Variants in ARHGEF10 observed in about 807,000 individuals in gnomAD.
ARHGEF10 encodes Rho guanine nucleotide exchange factor (GEF) 10.
In ARHGEF10, 140 loss-of-function variants were observed where a neutral mutation model predicts 147.4. The ratio of observed to expected loss-of-function variants is 0.95; its 90% CI spans 0.83 to 1.09. The LOEUF (loss-of-function observed/expected upper bound fraction) is 1.09, where lower values mean the gene tolerates loss of function less well. Among genes scored for constraint, ARHGEF10 ranks in the 50% least tolerant of loss-of-function variants. The pLI is 0.00. For synonymous variants in ARHGEF10, 902 were observed against 695.8 expected, an observed-to-expected ratio of 1.30 and a Z score of -4.67; for missense variants, 2,222 against 1,752.7, an observed-to-expected ratio of 1.27 and a Z score of -4.78.
At chr8:1,877,612 G>T (rs891562136) in intron 8 of ARHGEF10, among the ~76,000 whole-genome samples, 1 of 151,424 alleles carries the variant, frequency 6.6e-6, no homozygotes, top group East Asian at 2.0e-4. Context: ...GGATGTCAGA[G>T]CTGTAAGGCG....
rs1238321920 is a variant in ARHGEF10 at position 1,858,091 on chromosome 8, G to T, written c.169G>T (p.Ala57Ser). 1.2e-6 allele frequency: 2 copies of T among 1,613,992 alleles called. No individual in the cohort carries two copies. The highest frequency in any genetic ancestry group is 4.5e-5 in the East Asian group (2 of 44,894). The change falls in exon 3 of 29, where the codon GCC becomes TCC. Residue 57 changes from alanine to serine, a missense_variant. Ala to Ser is a moderately conservative substitution (Grantham distance 99, BLOSUM62 1). Transcript: ENST00000349830. ...CGCCCCTGAGACAGGAGGTGCTGGA[G>T]CCAGTGAAGCCCCTGCACCCACAGG... ...PSAPETGGAG[A>S]SEAPAPTGGE...
intron 25 of ARHGEF10, among the ~76,000 whole-genome samples, chr8:1,930,651 G>C (rs1244593659): frequency 6.6e-6 from 1 of 152,130 alleles, no homozygotes; most frequent in African/African-American, 2.4e-5. Flanking sequence ...TCCCTCCTTA[G>C]AAATCTGCGC....
In ARHGEF10 at chr8:1,859,945, C is replaced by G. The variant is rs1432314328; in HGVS notation, c.242C>G (p.Thr81Ser). Residue 81 changes from threonine (T) to serine (S), a missense_variant, in exon 4 of 29, where the codon ACT becomes AGT. Transcript: ENST00000349830. ...GAETTPVAEP[T>S]KLVLPMKVNP... is the part of the protein sequence containing the mutation. ...GAAACCACCCCAGTGGCAGAGCCTA[C>G]TAAGCTGGTGCTCCCGATGAAAGTC... 1 of 1,614,202 alleles carries G rather than the reference C, an allele frequency of 6.2e-7. No homozygotes were observed. The highest frequency in any genetic ancestry group is 1.7e-5 in the Admixed American group (1 of 60,036).
chr8:1,883,164 G>C (rs1304855552), intron 10 of ARHGEF10, among the ~76,000 whole-genome samples: 3 of 152,148 alleles, frequency 2.0e-5, no homozygotes, highest in East Asian at 1.9e-4. Context: ...GGGAGATTTG[G>C]AGTAGACAGC....
At chr8:1,885,186 C>G (rs1427952288) in intron 10 of ARHGEF10, among the ~76,000 whole-genome samples, 1 of 152,178 alleles carries the variant, frequency 6.6e-6, no homozygotes, top group Non-Finnish European at 1.5e-5. Context: ...ACTTTTGACT[C>G]ACCTCAGTTT....
At chr8:1,849,066 C>A (rs779496181) in intron 2 of ARHGEF10, among the ~76,000 whole-genome samples, 2 of 152,184 alleles carry the variant, frequency 1.3e-5, no homozygotes, top group Non-Finnish European at 2.9e-5. Context: ...GCTGGTCACC[C>A]CTAGACACCG....
intron 11 of ARHGEF10, among the ~76,000 whole-genome samples, chr8:1,892,739 G>A (rs868682703): frequency 2.3e-4 from 35 of 152,182 alleles, no homozygotes; most frequent in Middle Eastern, 6.8e-3. Flanking sequence ...GTGTGCCCGG[G>A]CGTGTGTTCA....
chr8:1,910,873 T>C (rs1459480565), intron 18 of ARHGEF10, among the ~76,000 whole-genome samples: 2 of 152,226 alleles, frequency 1.3e-5, no homozygotes, highest in Non-Finnish European at 2.9e-5. Flanking sequence ...AAAGGTGACT[T>C]TGATCCATAA....
At chr8:1,929,601 G>A (rs1047706948) in intron 25 of ARHGEF10, among the ~76,000 whole-genome samples, 158 bp downstream of exon 25, 1 of 150,558 alleles carries the variant, frequency 6.6e-6, no homozygotes, top group Admixed American at 6.7e-5. Context: ...CGGGTGCCTT[G>A]CTTCTTCCCC....
At position 1,893,551 on chromosome 8, in the gene ARHGEF10, C is replaced by T; in HGVS notation, c.1183-18C>T. 6.3e-7 allele frequency: 1 copy of T among 1,589,096 alleles called. No homozygotes were observed. Among genetic ancestry groups the T allele is most frequent in the Non-Finnish European group, 8.6e-7 (1 of 1,157,382 alleles). On this transcript the variant is annotated intron_variant, in intron 11 of 28. Coordinates refer to ENST00000349830, the MANE Select transcript of ARHGEF10 (RefSeq NM_014629.4). ...TATAAAGCAGTTTTCTATCATTGTA[C>T]TTCCAAATTTCCAACAGGTTGTAAG...
chr8:1,912,260 G>A (rs765058352), intron 18 of ARHGEF10, among the ~76,000 whole-genome samples: 10 of 151,672 alleles, frequency 6.6e-5, no homozygotes, highest in South Asian at 2.1e-4. Context: ...TGCGTTTGCC[G>A]TGCGGTATTA....
At chr8:1,887,939 T>G (rs62477546) in intron 11 of ARHGEF10, among the ~76,000 whole-genome samples, 1 of 130,546 alleles carries the variant, frequency 7.7e-6, no homozygotes, top group African/African-American at 2.9e-5. Context: ...GAGACAGTGA[T>G]TGGGGTGAGG....
intron 2 of ARHGEF10, among the ~76,000 whole-genome samples, chr8:1,853,291 C>T (rs1256536497): frequency 6.6e-6 from 1 of 152,214 alleles, no homozygotes; most frequent in Non-Finnish European, 1.5e-5. Context: ...CTACCCAGAG[C>T]GCCGGGCCCT....
chr8:1,914,423 C>T (rs1811601919), intron 18 of ARHGEF10, among the ~76,000 whole-genome samples: 1 of 152,222 alleles, frequency 6.6e-6, no homozygotes, highest in Admixed American at 6.5e-5. Context: ...TCTCCCTGGC[C>T]CCTGCCCGAT....
At chr8:1,841,809 G>GAGGCCGCGGC (rs1350120755) in intron 1 of ARHGEF10, among the ~76,000 whole-genome samples, 3 of 111,548 alleles carry the variant, frequency 2.7e-5, no homozygotes, top group African/African-American at 6.1e-5. Context: ...CCTAGGAACT[G>GAGGCCGCGGC]GGGCCGCGGC....
At chr8:1,850,152 GGCCA>G (rs1804972906) in intron 2 of ARHGEF10, among the ~76,000 whole-genome samples, 3 of 39,904 alleles carry the variant, frequency 7.5e-5, no homozygotes, top group African/African-American at 3.5e-4. Flanking sequence ...GGTGTGGGGC[GGCCA>G]CGTGGACACA....
At chr8:1,892,963 C>T (rs575331235) in intron 11 of ARHGEF10, among the ~76,000 whole-genome samples, 23 of 152,016 alleles carry the variant, frequency 1.5e-4, no homozygotes, top group South Asian at 4.2e-4. Context: ...TGGAAAATAA[C>T]GTCAGGTTTT....
At chr8:1,938,113 C>T (rs1813772511) in intron 26 of ARHGEF10, among the ~76,000 whole-genome samples, 1 of 152,202 alleles carries the variant, frequency 6.6e-6, no homozygotes, top group Non-Finnish European at 1.5e-5. Flanking sequence ...TGAGCTGCCG[C>T]ACGGTGCCAG....
chr8:1,933,127 C>T (rs924644323), intron 25 of ARHGEF10, among the ~76,000 whole-genome samples: 2 of 152,116 alleles, frequency 1.3e-5, no homozygotes, highest in Admixed American at 6.5e-5. Context: ...GAATATTTCA[C>T]GACTGTCTAG....
Sources: allele counts gnomAD v4.1 joint callset (sites outside exome capture counted in the v4.1 genomes callset), GRCh38; gene constraint gnomAD v4.1.1; transcripts MANE v1.5; gene names NCBI Gene and HGNC (gene_info 2026-07-23, HGNC 2026-07-21).